RBFOX1: variants seen among roughly 807,000 people sequenced by gnomAD.
RBFOX1 encodes RNA binding protein fox-1 homolog 1.
In RBFOX1, 8 loss-of-function variants were observed where a neutral mutation model predicts 57.7. That is an observed-to-expected ratio of 0.14 (90% CI 0.08 to 0.25). The LOEUF (loss-of-function observed/expected upper bound fraction) is 0.25. RBFOX1 is among the 10% of genes least tolerant of loss of function. The probability of loss-of-function intolerance (pLI) is 1.00; values close to 1 mark genes in which losing one functional copy is unlikely to be tolerated. For missense variants in RBFOX1, 611 were observed against 548.5 expected (o/e 1.11, Z -1.14); for synonymous variants, 326 against 222.4 (o/e 1.47, Z -4.15).
At chr16:7,454,496 T>A (rs2058081082) in intron 4 of RBFOX1, among the ~76,000 whole-genome samples, 1 of 152,186 alleles carries the variant, frequency 6.6e-6, no homozygotes, top group South Asian at 2.1e-4. Context: ...ATAGATATGA[T>A]CAAGTTGAGT....
intron 3 of RBFOX1, among the ~76,000 whole-genome samples, chr16:6,943,226 C>A (rs187819298): frequency 6.6e-6 from 1 of 152,142 alleles, no homozygotes; most frequent in African/African-American, 2.4e-5. Context: ...GGTTATAGAG[C>A]CCTCAAGAGA....
At chr16:6,532,951 T>A (rs1029084605) in intron 2 of RBFOX1, among the ~76,000 whole-genome samples, 3 of 152,158 alleles carry the variant, frequency 2.0e-5, no homozygotes, top group African/African-American at 7.2e-5. Context: ...CAAAGGACAG[T>A]CTCCCAGTGT....
chr16:7,560,963 C>G (rs2152676297), intron 5 of RBFOX1, among the ~76,000 whole-genome samples: 1 of 152,298 alleles, frequency 6.6e-6, no homozygotes, highest in East Asian at 1.9e-4. Context: ...CATCAGAGAA[C>G]TCATCCGTTG....
intron 1 of RBFOX1, among the ~76,000 whole-genome samples, chr16:6,284,234 A>G (rs763564263): frequency 2.0e-5 from 3 of 152,274 alleles, no homozygotes; most frequent in East Asian, 1.9e-4. Context: ...TGGCTTTGCT[A>G]TTGGTACTGA....
intron 1 of RBFOX1, among the ~76,000 whole-genome samples, chr16:6,156,540 C>G (rs568668851): frequency 5.3e-4 from 81 of 152,292 alleles, no homozygotes; most frequent in Middle Eastern, 3.4e-3. Flanking sequence ...TATTTTCTTT[C>G]TTTTGGCAAA....
chr16:6,178,290 G>T (rs1598101942), intron 1 of RBFOX1, among the ~76,000 whole-genome samples: 1 of 144,230 alleles, frequency 6.9e-6, no homozygotes, highest in Non-Finnish European at 1.5e-5. Flanking sequence ...AGGTTCAAGT[G>T]ATTCTCCTGC....
At chr16:6,774,454 AT>A (rs2078988719) in intron 3 of RBFOX1, among the ~76,000 whole-genome samples, 1 of 152,138 alleles carries the variant, frequency 6.6e-6, no homozygotes, top group Non-Finnish European at 1.5e-5. Flanking sequence ...CAAATTAAAT[AT>A]CAACAACCCA....
At chr16:6,656,895 C>A (rs553027359) in intron 3 of RBFOX1, among the ~76,000 whole-genome samples, 81 of 144,220 alleles carry the variant, frequency 5.6e-4, no homozygotes, top group African/African-American at 2.1e-3. Flanking sequence ...CTCCTCTCCT[C>A]CCCTCAACTC....
intron 3 of RBFOX1, among the ~76,000 whole-genome samples, chr16:6,696,222 T>C (rs1014001388): frequency 1.3e-5 from 2 of 152,238 alleles, no homozygotes; most frequent in African/African-American, 2.4e-5. Context: ...TAAATTGAGG[T>C]ATACAATATC....
chr16:6,875,133 T>C (rs928328551), intron 3 of RBFOX1, among the ~76,000 whole-genome samples: 4 of 152,164 alleles, frequency 2.6e-5, no homozygotes, highest in Admixed American at 6.5e-5. Context: ...AAGTTGCTTA[T>C]ACCATTTAAT....
intron 3 of RBFOX1, among the ~76,000 whole-genome samples, chr16:6,910,371 C>T (rs111379078): frequency 7.0e-4 from 106 of 152,260 alleles, no homozygotes; most frequent in African/African-American, 2.4e-3. Context: ...TTCCTATTTC[C>T]CTTCCACACA....
chr16:7,242,347 C>T (rs142320374), intron 4 of RBFOX1, among the ~76,000 whole-genome samples: 6 of 152,128 alleles, frequency 3.9e-5, no homozygotes, highest in Non-Finnish European at 8.8e-5. Context: ...AGGAAGGTAC[C>T]TTCTGATGCA....
At chr16:6,840,703 A>G (rs2093409477) in intron 3 of RBFOX1, among the ~76,000 whole-genome samples, 1 of 151,978 alleles carries the variant, frequency 6.6e-6, no homozygotes, top group African/African-American at 2.4e-5. Flanking sequence ...CCTGGCCAAC[A>G]TGGTGAAACC....
chr16:5,820,429 C>T (rs1451751120), intron 3 of RBFOX1, among the ~76,000 whole-genome samples: 2 of 152,170 alleles, frequency 1.3e-5, no homozygotes, highest in African/African-American at 2.4e-5. Flanking sequence ...TGACCCCGGC[C>T]ACGTGGCTGG....
chr16:7,594,315 C>T (rs2094583487), intron 7 of RBFOX1, among the ~76,000 whole-genome samples: 1 of 152,026 alleles, frequency 6.6e-6, no homozygotes. Flanking sequence ...TTATACTGTC[C>T]CAACTCAACT....
At chr16:6,692,420 C>T (rs2060331695) in intron 3 of RBFOX1, among the ~76,000 whole-genome samples, 1 of 152,134 alleles carries the variant, frequency 6.6e-6, no homozygotes, top group Non-Finnish European at 1.5e-5. Flanking sequence ...TTAAATCCAT[C>T]CTACTCATCA....
At chr16:5,877,518 T>C (rs2057644777) in intron 4 of RBFOX1, among the ~76,000 whole-genome samples, 1 of 152,264 alleles carries the variant, frequency 6.6e-6, no homozygotes, top group African/African-American at 2.4e-5. Context: ...ATACACTTGA[T>C]GCAGGGCAGG....
intron 3 of RBFOX1, among the ~76,000 whole-genome samples, chr16:5,713,679 A>T (rs2051577948): frequency 6.6e-6 from 1 of 152,212 alleles, no homozygotes; most frequent in South Asian, 2.1e-4. Context: ...TTTTGTAGAT[A>T]AGTTCTTGCT....
At chr16:7,239,299 G>T (rs961603790) in intron 4 of RBFOX1, among the ~76,000 whole-genome samples, 1 of 152,100 alleles carries the variant, frequency 6.6e-6, no homozygotes, top group African/African-American at 2.4e-5. Flanking sequence ...AGGAGTTTGA[G>T]ACCAGCCTGG....
Sources: gnomAD v4.1 joint callset for allele counts (sites outside exome capture counted in the v4.1 genomes callset) on GRCh38, gnomAD v4.1.1 for gene constraint, MANE v1.5 for transcripts, NCBI Gene and HGNC (gene_info 2026-07-23, HGNC 2026-07-21) for gene names.